ISOC1: variants seen among roughly 807,000 people sequenced by gnomAD.
The protein encoded by ISOC1 is isochorismatase domain-containing protein 1.
Under a neutral mutation model 30.0 loss-of-function variants are expected in ISOC1, and 33 were observed. The ratio of observed to expected loss-of-function variants is 1.10; its 90% CI spans 0.83 to 1.47. ISOC1 has a LOEUF of 1.47. Among genes scored for constraint, ISOC1 ranks in the 40% most tolerant of loss-of-function variants. ISOC1 has a pLI of 0.00. For missense variants in ISOC1, 372 were observed against 388.0 expected, an observed-to-expected ratio of 0.96 and a Z score of 0.35; for synonymous variants, 178 against 159.8, an observed-to-expected ratio of 1.11 and a Z score of -0.86.
chr5:129,110,694 G>A (rs1432747287), intron 4 of ISOC1, among the ~76,000 whole-genome samples: 1 of 152,206 alleles, frequency 6.6e-6, no homozygotes, highest in East Asian at 1.9e-4. Context: ...TTAGGCTCAG[G>A]TCAGTAGAGC....
chr5:129,111,216 C>T (rs1484438476), intron 4 of ISOC1, among the ~76,000 whole-genome samples: 1 of 152,060 alleles, frequency 6.6e-6, no homozygotes, highest in Non-Finnish European at 1.5e-5. Context: ...TGGTGTGTGT[C>T]TGAGCTTATG....
chr5:129,095,150 C>T (rs1316227755), intron 1 of ISOC1, 75 bp downstream of exon 1: 2 of 1,414,178 alleles, frequency 1.4e-6, no homozygotes, highest in East Asian at 5.3e-5. Flanking sequence ...CCGCCTTCGC[C>T]GCGCTCCTCA....
chr5:129,104,648 A>C (rs1049716201), intron 1 of ISOC1, among the ~76,000 whole-genome samples: 2 of 152,146 alleles, frequency 1.3e-5, no homozygotes, highest in African/African-American at 4.8e-5. Flanking sequence ...GAATTCTTTG[A>C]AGACATATAC....
Position 129,094,889 on chromosome 5 carries a change from G to A in ISOC1, c.123G>A (p.Val41=). The A allele has an allele frequency of 6.2e-7, 1 of 1,608,826 alleles. No homozygotes were observed. Among genetic ancestry groups the A allele is most frequent in the Non-Finnish European group, 8.5e-7 (1 of 1,178,800 alleles). ...CFSVFARPSS[V]PHGAGYELLI... is the part of the protein sequence containing the mutation. ...CAGTCTTCGCGCGACCCTCGTCGGT[G>A]CCACACGGGGCGGGCTACGAGCTGC... Residue 41 remains valine (V), a synonymous_variant, in exon 1 of 5, where the codon GTG becomes GTA. Transcript: ENST00000173527.
intron 1 of ISOC1, among the ~76,000 whole-genome samples, chr5:129,095,843 T>C (rs1164709382): frequency 1.3e-5 from 2 of 152,222 alleles, no homozygotes; most frequent in Admixed American, 6.5e-5. Flanking sequence ...GCTCTCATGC[T>C]AGGCGGGTTA....
chr5:129,095,402 G>A (rs1753483844), intron 1 of ISOC1, among the ~76,000 whole-genome samples: 1 of 152,246 alleles, frequency 6.6e-6, no homozygotes, highest in African/African-American at 2.4e-5. Context: ...CCAGCCTCCT[G>A]CGTAACCAAA....
chr5:129,105,444 T>G, intron 3 of ISOC1, 56 bp downstream of exon 3: 3 of 1,441,084 alleles, frequency 2.1e-6, no homozygotes, highest in Non-Finnish European at 2.9e-6. Flanking sequence ...AACTCAATAT[T>G]TGTGGAATGT....
At chr5:129,108,836 C>G (rs1305773684) in intron 4 of ISOC1, among the ~76,000 whole-genome samples, 2 of 152,092 alleles carry the variant, frequency 1.3e-5, no homozygotes, top group African/African-American at 4.8e-5. Context: ...TTCTTATAGT[C>G]ATGAGTTAAT....
chr5:129,099,266 TG>T (rs1753544003), intron 1 of ISOC1, among the ~76,000 whole-genome samples: 1 of 152,198 alleles, frequency 6.6e-6, no homozygotes, highest in South Asian at 2.1e-4. Flanking sequence ...AATGTCATTG[TG>T]GTCCTGGGCT....
At position 129,110,092 on chromosome 5, in the gene ISOC1, G is replaced by T. The variant is rs73235875; in HGVS notation, c.751-2763G>T. On this transcript the variant is annotated intron_variant, in intron 4 of 4. Transcript: ENST00000173527. Reference sequence around the variant, plus strand: ...CTTGATGTCCTTGTACTTCCGGGGAGTTTTAGTGTTGCTTGGAAATCTAAT... The same window carrying T: ...CTTGATGTCCTTGTACTTCCGGGGATTTTTAGTGTTGCTTGGAAATCTAAT... Among the ~76,000 whole-genome samples, 653 of 152,288 alleles carry T rather than the reference G, an allele frequency of 4.3e-3. 9 individuals carry two copies. Among genetic ancestry groups the T allele is most frequent in the African/African-American group, 0.015 (628 of 41,560 alleles).
Position 129,113,018 on chromosome 5 carries a change from G to T in ISOC1, c.*17G>T, listed in dbSNP as rs1264579003. On this transcript the variant is annotated 3_prime_UTR_variant, in exon 5 of 5. Coordinates refer to ENST00000173527, the MANE Select transcript of ISOC1 (RefSeq NM_016048.2). ...AAAGTATAGGACATTTGAAGAACTG[G>T]TATGCTACTCACTGGTGAAGGACAG... The T allele has an allele frequency of 6.2e-7, 1 of 1,604,152 alleles. No individual in the cohort carries two copies. Among genetic ancestry groups the T allele is most frequent in the Non-Finnish European group, 8.5e-7 (1 of 1,174,788 alleles).
At chr5:129,095,727 C>T (rs1429149033) in intron 1 of ISOC1, among the ~76,000 whole-genome samples, 1 of 152,198 alleles carries the variant, frequency 6.6e-6, no homozygotes, top group Non-Finnish European at 1.5e-5. Context: ...GTAATTCCTT[C>T]TTGAATACAA....
Position 129,113,778 on chromosome 5 carries a change from A to G in ISOC1, c.*777A>G, listed in dbSNP as rs550347935. The G allele has an allele frequency of 6.6e-6, 1 of 152,298 alleles. No individual in the cohort carries two copies. Among genetic ancestry groups the G allele is most frequent in the Admixed American group, 6.5e-5 (1 of 15,286 alleles). The allele number at this position is 152,298 out of a possible 1,614,324, so 9.4% of individuals were successfully genotyped here. ...ATATATTCTAGTGTCCACAAGATTTAGCAAAAAGATAAAGCTTGGGTGGAA... is the reference window on the plus strand; with the variant it reads ...ATATATTCTAGTGTCCACAAGATTTGGCAAAAAGATAAAGCTTGGGTGGAA... On this transcript the variant is annotated 3_prime_UTR_variant, in exon 5 of 5. Transcript: ENST00000173527.
At chr5:129,109,570 T>A (rs944243991) in intron 4 of ISOC1, among the ~76,000 whole-genome samples, 1 of 152,012 alleles carries the variant, frequency 6.6e-6, no homozygotes, top group Non-Finnish European at 1.5e-5. Context: ...TTGTCTGGGG[T>A]GGATTTGGAA....
intron 4 of ISOC1, among the ~76,000 whole-genome samples, chr5:129,109,807 C>A (rs1359405064): frequency 6.6e-6 from 1 of 152,122 alleles, no homozygotes; most frequent in African/African-American, 2.4e-5. Flanking sequence ...AGTTAAAATA[C>A]CATTGTGGTC....
At chr5:129,104,249 A>C (rs1402429238) in intron 1 of ISOC1, among the ~76,000 whole-genome samples, 1 of 152,160 alleles carries the variant, frequency 6.6e-6, no homozygotes, top group African/African-American at 2.4e-5. Flanking sequence ...TCTTGAGAAT[A>C]GCATTTTCAT....
At position 129,096,071 on chromosome 5, in the gene ISOC1, G is replaced by T. The variant is rs147574899; in HGVS notation, c.309+996G>T. 4.3e-4 allele frequency among the ~76,000 whole-genome samples: 65 copies of T among 152,128 alleles called. 1 individual carries two copies. In the East Asian group the frequency reaches 9.5e-3, roughly 22 times the overall value. ...TCATTTTCTTTCTTTTTTGTTTTTA[G>T]TTTTTATGGGCACATAATAGTTGTA... On this transcript the variant is annotated intron_variant, in intron 1 of 4. Coordinates refer to ENST00000173527, the MANE Select transcript of ISOC1 (RefSeq NM_016048.2).
rs765977657 is a variant in ISOC1 at position 129,112,856 on chromosome 5, G to A, written c.752G>A (p.Arg251His). The A allele has an allele frequency of 2.9e-5, 47 of 1,611,162 alleles. No homozygotes were observed. Among genetic ancestry groups the A allele is most frequent in the East Asian group, 2.0e-4 (9 of 44,820 alleles). ...TTTGCCTTTATCTTTTTGTTCAAGC[G>A]TCTCGCTCGAACCGGGATCATAGTG... Reference protein sequence around the residue: ...SMMDRMFALERLARTGIIVTT... With the variant: ...SMMDRMFALEHLARTGIIVTT... The change falls in exon 5 of 5, where the codon CGT becomes CAT. Residue 251 changes from arginine (R) to histidine (H), a missense_variant and splice_region_variant. Transcript: ENST00000173527.
At chr5:129,110,484 T>C (rs994734458) in intron 4 of ISOC1, among the ~76,000 whole-genome samples, 3 of 152,158 alleles carry the variant, frequency 2.0e-5, no homozygotes, top group Non-Finnish European at 4.4e-5. Context: ...TGAAAACCAT[T>C]GCATTTGCTA....
Sources: allele counts gnomAD v4.1 joint callset (sites outside exome capture counted in the v4.1 genomes callset), GRCh38; gene constraint gnomAD v4.1.1; transcripts MANE v1.5; gene names NCBI Gene and HGNC (gene_info 2026-07-23, HGNC 2026-07-21).